Variants in TMEM196 observed in about 807,000 individuals in gnomAD.
TMEM196 encodes the protein transmembrane protein 196.
TMEM196 carries 17 observed loss-of-function variants against 20.0 expected under a neutral mutation model. The observed-to-expected ratio is 0.85, with a 90% CI of 0.58 to 1.27. The LOEUF (loss-of-function observed/expected upper bound fraction) is 1.27. TMEM196 is among the 50% of genes most tolerant of loss of function. The pLI is 0.00. For missense variants in TMEM196, 267 were observed against 223.0 expected, an observed-to-expected ratio of 1.20 and a Z score of -1.26; for synonymous variants, 113 against 88.9, an observed-to-expected ratio of 1.27 and a Z score of -1.52.
At chr7:19,744,254 T>C (rs1282306807) in intron 1 of TMEM196, among the ~76,000 whole-genome samples, 1 of 152,206 alleles carries the variant, frequency 6.6e-6, no homozygotes, top group East Asian at 1.9e-4. Flanking sequence ...AGCCTTTCAC[T>C]GATTCATTTA....
At position 19,721,915 on chromosome 7, in the gene TMEM196, T is replaced by C. The variant is rs1194201594; in HGVS notation, c.*213A>G. 6 of 621,318 alleles carry C rather than the reference T, an allele frequency of 9.7e-6. No homozygotes were observed. The African/African-American group carries it at 1.2e-4, about 12-fold the overall frequency. 38.5% of individuals were successfully genotyped at this position (621,318 alleles called of 1,614,324 possible). A position where few individuals can be genotyped will look rare whatever the true frequency, so the allele number is the denominator to read the frequency against. The stretch of plus-strand genomic sequence containing the variant: ...AAGTTTTTTACCCCATAAAAAAGGG[T>C]GGAGAAACCAGTGAGGCAATATATT... On this transcript the variant is annotated 3_prime_UTR_variant, in exon 5 of 5. Coordinates refer to ENST00000405844, the MANE Select transcript of TMEM196 (RefSeq NM_001363562.2).
intron 2 of TMEM196, among the ~76,000 whole-genome samples, chr7:19,728,837 T>C (rs1236729916): frequency 6.6e-6 from 1 of 152,168 alleles, no homozygotes; most frequent in Admixed American, 6.5e-5. Context: ...AAACCCACTA[T>C]AGTACCATAA....
intron 1 of TMEM196, among the ~76,000 whole-genome samples, chr7:19,746,052 C>T (rs1450390532): frequency 6.6e-6 from 1 of 152,042 alleles, no homozygotes; most frequent in Admixed American, 6.6e-5. Context: ...TAGGTTGAAG[C>T]TAATACTACT....
intron 1 of TMEM196, 76 bp from the exon 2 acceptor site, chr7:19,729,514 C>A (rs1366504219): frequency 4.6e-6 from 6 of 1,311,828 alleles, no homozygotes; most frequent in Non-Finnish European, 6.3e-6. Flanking sequence ...GTAGTTCACT[C>A]ATGACACTTT....
intron 1 of TMEM196, among the ~76,000 whole-genome samples, chr7:19,745,027 A>G (rs936371703): frequency 1.3e-5 from 2 of 152,010 alleles, no homozygotes. Context: ...TGGTTTTGGG[A>G]CCACCGTAGA....
chr7:19,749,954 A>G (rs953933641), intron 1 of TMEM196, among the ~76,000 whole-genome samples: 1 of 152,218 alleles, frequency 6.6e-6, no homozygotes, highest in Non-Finnish European at 1.5e-5. Context: ...AATGTCTTCC[A>G]TTAACAAAGG....
At chr7:19,747,092 A>G (rs1784781515) in intron 1 of TMEM196, among the ~76,000 whole-genome samples, 1 of 151,458 alleles carries the variant, frequency 6.6e-6, no homozygotes, top group Admixed American at 6.6e-5. Context: ...CGTCTCTACT[A>G]AAAATACAAA....
intron 4 of TMEM196, among the ~76,000 whole-genome samples, chr7:19,723,114 G>T (rs1783867096): frequency 6.6e-6 from 1 of 152,032 alleles, no homozygotes; most frequent in South Asian, 2.1e-4. Flanking sequence ...ATCTGCTAGA[G>T]ATGTACATGG....
At chr7:19,757,662 A>T (rs1785272357) in intron 1 of TMEM196, among the ~76,000 whole-genome samples, 1 of 152,074 alleles carries the variant, frequency 6.6e-6, no homozygotes, top group African/African-American at 2.4e-5. Context: ...CATTAGCAAA[A>T]TCATGAGTTA....
Position 19,772,942 on chromosome 7 carries a change from G to T in TMEM196, c.-246C>A, listed in dbSNP as rs974373703. 8.4e-6 allele frequency: 3 copies of T among 355,614 alleles called. No homozygotes were observed. The allele number at this position is 355,614 out of a possible 1,614,324, so 22.0% of individuals were successfully genotyped here. Reference sequence around the variant, plus strand: ...ATAGGGATCGTAGAAGGATCTTCCTGGGTTCGGTGGTGCGAAGATTGCACA... The same window carrying T: ...ATAGGGATCGTAGAAGGATCTTCCTTGGTTCGGTGGTGCGAAGATTGCACA... On this transcript the variant is annotated 5_prime_UTR_variant, in exon 1 of 5. Transcript: ENST00000405844.
intron 1 of TMEM196, among the ~76,000 whole-genome samples, chr7:19,763,998 G>A (rs1293522598): frequency 6.6e-6 from 1 of 152,074 alleles, no homozygotes; most frequent in African/African-American, 2.4e-5. Flanking sequence ...TCACTTCTTT[G>A]TATTATGCCA....
rs540270535 is a variant in TMEM196 at position 19,732,577 on chromosome 7, A to T, written c.148-3139T>A. Among the ~76,000 whole-genome samples the T allele has an allele frequency of 2.2e-5, 3 of 134,432 alleles. No individual in the cohort carries two copies. The Admixed American group carries it at 2.2e-4, about 10-fold the overall frequency. The allele number at this position is 134,432 out of a possible 152,430, so 88.2% of individuals were successfully genotyped here. A position where few individuals can be genotyped will look rare whatever the true frequency, so the allele number is the denominator to read the frequency against. ...GACAGATCAAGACTCCATCTCAAAA[A>T]AAAAAAACAAAAAAAAAAAAAACGG... On this transcript the variant is annotated intron_variant, in intron 1 of 4. Coordinates refer to ENST00000405844, the MANE Select transcript of TMEM196 (RefSeq NM_001363562.2).
intron 1 of TMEM196, among the ~76,000 whole-genome samples, chr7:19,752,998 C>G (rs1226584490): frequency 6.6e-6 from 1 of 152,154 alleles, no homozygotes; most frequent in East Asian, 1.9e-4. Flanking sequence ...GCCAATTTGA[C>G]AACTGGTCTA....
intron 1 of TMEM196, among the ~76,000 whole-genome samples, chr7:19,763,447 G>A (rs950072439): frequency 2.6e-5 from 4 of 152,122 alleles, no homozygotes; most frequent in African/African-American, 9.7e-5. Context: ...TCTCTGTTTG[G>A]TAGAACAAAC....
intron 1 of TMEM196, among the ~76,000 whole-genome samples, chr7:19,732,588 A>AC (rs61054504): frequency 0.25 from 29,159 of 117,922 alleles, 3,178 homozygotes; most frequent in East Asian, 0.57. Flanking sequence ...AAAAAAACAA[A>AC]AAAAAAAAAA....
chr7:19,769,578 G>C (rs1364881786), intron 1 of TMEM196, among the ~76,000 whole-genome samples: 1 of 151,910 alleles, frequency 6.6e-6, no homozygotes, highest in Non-Finnish European at 1.5e-5. Flanking sequence ...AGTATTAGCT[G>C]CTCATATTTA....
chr7:19,770,804 C>A (rs569359072), intron 1 of TMEM196, among the ~76,000 whole-genome samples: 125 of 152,154 alleles, frequency 8.2e-4, no homozygotes, highest in African/African-American at 2.9e-3. Context: ...AGTAAATAGT[C>A]TGAGAAAAAG....
intron 1 of TMEM196, among the ~76,000 whole-genome samples, 184 bp from the exon 2 acceptor site, chr7:19,729,622 A>C (rs1414809276): frequency 6.6e-6 from 1 of 152,218 alleles, no homozygotes; most frequent in East Asian, 1.9e-4. Flanking sequence ...AACCCTAATA[A>C]AAATTTATTT....
chr7:19,743,480 G>T (rs569843985), intron 1 of TMEM196, among the ~76,000 whole-genome samples: 1 of 152,042 alleles, frequency 6.6e-6, no homozygotes. Context: ...CTCTCTGTTT[G>T]TATCAATTTT....
Sources: allele counts gnomAD v4.1 joint callset (sites outside exome capture counted in the v4.1 genomes callset), GRCh38; gene constraint gnomAD v4.1.1; transcripts MANE v1.5; gene names NCBI Gene and HGNC (gene_info 2026-07-23, HGNC 2026-07-21).